Variants in PLEC observed in about 807,000 individuals in gnomAD.
The protein encoded by PLEC is plectin, also known as hemidesmosomal protein 1.
In PLEC, 216 loss-of-function variants were observed where a neutral mutation model predicts 392.8. The ratio of observed to expected loss-of-function variants is 0.55; its 90% confidence interval spans 0.49 to 0.62. PLEC has a LOEUF of 0.62. PLEC is among the 20% of genes least tolerant of loss of function. PLEC has a pLI of 0.00. For synonymous variants in PLEC, 3,621 were observed against 2,980.6 expected (o/e 1.21, Z -7.00); for missense variants, 6,863 against 6,563.4 (o/e 1.05, Z -1.58).
At chr8:143,951,893 G>A (rs1212340130), upstream of PLEC, among the ~76,000 whole-genome samples, 1 of 138,350 alleles carries the variant, frequency 7.2e-6, no homozygotes, top group Non-Finnish European at 1.6e-5. Context: ...CGCTGCTGCC[G>A]CCCCCACTGA....
In PLEC at chr8:143,925,483, C is replaced by T. The variant is rs782202249; in HGVS notation, c.4446G>A (p.Ala1482=). ...GTCGCTTTTGTGCCTCAGCCTCCTC[C>T]GCCCGTGCACGCAGTGCCTGCAGCT... The part of the protein sequence containing the change: ...EGELQALRAR[A]EEAEAQKRQA... Residue 1482 remains alanine (A), a synonymous_variant, in exon 31 of 32, where the codon GCG becomes GCA. Coordinates refer to ENST00000345136, the MANE Select transcript of PLEC (RefSeq NM_201384.3). The T allele has an allele frequency of 2.3e-4, 370 of 1,596,192 alleles. 2 individuals carry two copies. The highest frequency in any genetic ancestry group is 3.2e-4 in the Admixed American group (19 of 59,884).
At chr8:143,966,261 T>TCATA (rs1587411996) in intron 1 of PLEC, among the ~76,000 whole-genome samples, 4 of 152,132 alleles carry the variant, frequency 2.6e-5, no homozygotes, top group African/African-American at 9.7e-5. Context: ...CTGCCTCTTC[T>TCATA]CATAGGCACC....
chr8:143,933,868 TGCCCC>T, intron 12 of PLEC, 125 bp downstream of exon 12: 1 of 748,404 alleles, frequency 1.3e-6, no homozygotes, highest in Non-Finnish European at 2.3e-6. Flanking sequence ...CCCCACCACA[TGCCCC>T]GCCCCTGCCC....
chr8:143,976,084 C>A (rs1316149480), upstream of PLEC, among the ~76,000 whole-genome samples: 2 of 152,228 alleles, frequency 1.3e-5, no homozygotes, highest in African/African-American at 4.8e-5. Flanking sequence ...ATCTCCGCAG[C>A]GAAGGCCTAT....
rs1354542457 is a variant in PLEC at position 143,922,399 on chromosome 8, CAGA to C, written c.7426-7_7426-5del. 19 of 1,601,278 alleles carry C rather than the reference CAGA, an allele frequency of 1.2e-5. No individual in the cohort carries two copies. The African/African-American group carries it at 1.2e-4, about 10-fold the overall frequency. On this transcript the variant is annotated splice_polypyrimidine_tract_variant and splice_region_variant and intron_variant, in intron 31 of 31. Coordinates refer to ENST00000345136, the MANE Select transcript of PLEC (RefSeq NM_201384.3). ...GCTCCTGCTGCACCGTCTGCATCTG[CAGA>C]AGAAGAGGGTGTGATCAGGGACCGC... is the stretch of plus-strand genomic sequence containing the variant.
Position 143,917,935 on chromosome 8 carries a change from T to C in PLEC, c.11886A>G (p.Thr3962=), listed in dbSNP as rs6558406. ...CCTGCGCCTCCAGGAGCTCAAAGGC[T>C]GTGCCGGGGCGGATGATGCCCTTCT... ...AMKKGIIRPG[T]AFELLEAQAA... Residue 3962 remains threonine, a synonymous_variant, in exon 32 of 32, where the codon ACA becomes ACG. Transcript: ENST00000345136. 0.45 allele frequency: 731,555 copies of C among 1,612,484 alleles called. 175,607 individuals carry two copies. Among genetic ancestry groups the C allele is most frequent in the African/African-American group, 0.86 (64,707 of 74,954 alleles).
chr8:143,971,753 C>A (rs1833442479), intron 1 of PLEC, among the ~76,000 whole-genome samples: 1 of 152,174 alleles, frequency 6.6e-6, no homozygotes, highest in Non-Finnish European at 1.5e-5. Flanking sequence ...GGCAGCTGCA[C>A]CATCACGTGA....
chr8:143,920,739 C>A lies in PLEC; in HGVS notation c.9082G>T (p.Gly3028Cys), dbSNP rs1438959129. The change falls in exon 32 of 32, where the codon GGT becomes TGT. Residue 3028 changes from glycine (G) to cysteine (C), a missense_variant. Coordinates refer to ENST00000345136, the MANE Select transcript of PLEC (RefSeq NM_201384.3). ...RALRGANVIA[G>C]VWLEEAGQKL... ...TGCCCCGCCTCCTCCAGCCATACAC[C>A]CGCGATGACGTTGGCACCCCGGAGA... 3 of 1,604,536 alleles carry A rather than the reference C, an allele frequency of 1.9e-6. No individual in the cohort carries two copies. Among genetic ancestry groups the A allele is most frequent in the South Asian group, 2.2e-5 (2 of 91,090 alleles).
intron 1 of PLEC, chr8:143,950,040 TA>T (rs557336537): frequency 1.4e-3 from 1,529 of 1,102,484 alleles, no homozygotes; most frequent in African/African-American, 1.7e-3. Context: ...GACCCTCGGC[TA>T]GGGGGGGCCA....
chr8:143,927,203 C>G (rs961094914), intron 28 of PLEC, 49 bp downstream of exon 28: 1 of 1,593,754 alleles, frequency 6.3e-7, no homozygotes. Context: ...CGCCATCATC[C>G]TGGCAACGGT....
intron 1 of PLEC, chr8:143,946,200 C>T: frequency 2.2e-6 from 1 of 454,682 alleles, no homozygotes. Context: ...CACACACACC[C>T]CTGGGGCAGC....
In PLEC at chr8:143,918,194, G is replaced by C; in HGVS notation, c.11627C>G (p.Pro3876Arg). The C allele has an allele frequency of 6.3e-7, 1 of 1,588,414 alleles. No homozygotes were observed. The highest frequency in any genetic ancestry group is 1.1e-5 in the South Asian group (1 of 90,460). Reference protein sequence around the residue: ...RDDGTGQLLLPLSDARKLTFR... With the variant: ...RDDGTGQLLLRLSDARKLTFR... ...GGTCAGCTTGCGGGCGTCCGACAGT[G>C]GCAGGAGCAGCTGGCCGGTGCCGTC... Residue 3876 changes from proline (P) to arginine (R), a missense_variant, in exon 32 of 32, where the codon CCA (proline) becomes CGA (arginine). Coordinates refer to ENST00000345136, the MANE Select transcript of PLEC (RefSeq NM_201384.3).
At position 143,917,399 on chromosome 8, in the gene PLEC, A is replaced by C; in HGVS notation, c.12422T>G (p.Val4141Gly). 1 of 1,610,852 alleles carries C rather than the reference A, an allele frequency of 6.2e-7. No homozygotes were observed. The highest frequency in any genetic ancestry group is 8.5e-7 in the Non-Finnish European group (1 of 1,179,584). The stretch of plus-strand genomic sequence containing the variant: ...GCCCGTCTCGGGGTCCACGATGACC[A>C]CTCGGCGCTTGCGCACGGAGGACTT... ...SSKSSVRKRR[V>G]VIVDPETGKE... Residue 4141 changes from valine (V) to glycine (G), a missense_variant, in exon 32 of 32, where the codon GTG becomes GGG. Val to Gly is a moderately radical substitution (Grantham distance 109, BLOSUM62 -3). Coordinates refer to ENST00000345136, the MANE Select transcript of PLEC (RefSeq NM_201384.3).
rs1554700943 is a variant in PLEC, at chr8:143,925,150, C to T, written c.4779G>A (p.Glu1593=). Residue 1593 remains glutamate, a synonymous_variant, in exon 31 of 32, where the codon GAG becomes GAA. Coordinates refer to ENST00000345136, the MANE Select transcript of PLEC (RefSeq NM_201384.3). The stretch of plus-strand genomic sequence containing the variant: ...CCACGTGTTCCTCCTGCAGGGAGCG[C>T]TCCAGCTGTGCCGTCTTCTCGGCGA... ...ASFAEKTAQL[E]RSLQEEHVAV... 2 of 1,558,948 alleles carry T rather than the reference C, an allele frequency of 1.3e-6. No individual in the cohort carries two copies. The highest frequency in any genetic ancestry group is 1.7e-6 in the Non-Finnish European group (2 of 1,160,398).
intron 3 of PLEC, 97 bp downstream of exon 3, chr8:143,938,054 A>G: frequency 1.2e-6 from 1 of 854,350 alleles, no homozygotes; most frequent in African/African-American, 1.7e-5. Flanking sequence ...CTGGATTCCA[A>G]GTAGAGTGGG....
At chr8:143,975,280 G>A, upstream of PLEC, 46 of 1,610,018 alleles carry the variant, frequency 2.9e-5, no homozygotes, top group Non-Finnish European at 3.8e-5. The surrounding 1 kb of genome is among the most constrained non-coding windows in gnomAD (Gnocchi z 9.9). Flanking sequence ...CAAGGTTCCA[G>A]GGCAGTGTGT....
upstream of PLEC, among the ~76,000 whole-genome samples, chr8:143,941,423 G>T (rs1554728632): frequency 1.3e-5 from 2 of 152,122 alleles, no homozygotes; most frequent in Non-Finnish European, 2.9e-5. Context: ...CCGGGCCAGG[G>T]TCAGGAATGG....
chr8:143,942,574 G>A, upstream of PLEC: 1 of 1,486,220 alleles, frequency 6.7e-7, no homozygotes, highest in Non-Finnish European at 8.9e-7. Context: ...CTGGACCGCG[G>A]CGGCGCCTCT....
intron 1 of PLEC, chr8:143,944,783 C>T: frequency 2.7e-6 from 3 of 1,100,664 alleles, no homozygotes. Flanking sequence ...GAGGGCACGG[C>T]CGTGCTGCTG....
Sources: gnomAD v4.1 joint callset for allele counts (sites outside exome capture counted in the v4.1 genomes callset) on GRCh38, gnomAD v4.1.1 for gene constraint, Gnocchi (gnomAD v3.1) non-coding constraint, MANE v1.5 for transcripts, NCBI Gene and HGNC (gene_info 2026-07-23, HGNC 2026-07-21) for gene names.